Variants in LDB3 observed in about 807,000 individuals in gnomAD.
The protein encoded by LDB3 is LIM domain-binding protein 3.
Under a neutral mutation model 69.0 loss-of-function variants are expected in LDB3, and 49 were observed. The observed-to-expected ratio is 0.71, with a 90% CI of 0.56 to 0.90. The LOEUF is 0.90. LDB3 is among the 40% of genes least tolerant of loss of function. LDB3 has a pLI of 0.00. For missense variants in LDB3, 928 were observed against 974.1 expected (o/e 0.95, Z 0.63); for synonymous variants, 387 against 396.2 (o/e 0.98, Z 0.28).
rs762114914 is a variant in LDB3, at chr10:86,691,970, A to AGCCAGAACAT, written c.771_772insCATGCCAGAA (p.Asp258HisfsTer5). On this transcript the variant is annotated frameshift_variant, in exon 6 of 14. Transcript: ENST00000361373. LOFTEE classifies it high-confidence loss of function. ...CAGGCTGTGATTAAGAGCCAGAACA[A>AGCCAGAACAT]GCCAGAAGATGAGGCTGACGAGTGG... The AGCCAGAACAT allele has an allele frequency of 6.2e-7, 1 of 1,614,200 alleles. No individual in the cohort carries two copies. Among genetic ancestry groups the AGCCAGAACAT allele is most frequent in the South Asian group, 1.1e-5 (1 of 91,088 alleles).
chr10:86,712,922 G>T (rs1195220415), intron 9 of LDB3, among the ~76,000 whole-genome samples: 1 of 151,942 alleles, frequency 6.6e-6, no homozygotes, highest in African/African-American at 2.4e-5. Context: ...TTAGCCGGGC[G>T]TGGTGGCGGG....
chr10:86,690,148 C>A (rs996008279), intron 5 of LDB3, among the ~76,000 whole-genome samples: 2 of 152,322 alleles, frequency 1.3e-5, no homozygotes, highest in East Asian at 3.9e-4. Context: ...TCCACCTGCT[C>A]TCTGGATTGC....
chr10:86,710,229 G>C, intron 9 of LDB3, 179 bp downstream of exon 9: 1 of 985,394 alleles, frequency 1.0e-6, no homozygotes, highest in Non-Finnish European at 1.2e-6. Context: ...GCCTGCATCT[G>C]GTCTGGGGGA....
intron 8 of LDB3, 94 bp from the exon 9 acceptor site, chr10:86,709,811 G>A: frequency 1.4e-6 from 2 of 1,389,734 alleles, no homozygotes; most frequent in Non-Finnish European, 2.0e-6. Context: ...TGTCCTCACA[G>A]AGGCTTCTGA....
At chr10:86,694,513 C>G (rs1845917514) in intron 7 of LDB3, among the ~76,000 whole-genome samples, 1 of 152,222 alleles carries the variant, frequency 6.6e-6, no homozygotes, top group Non-Finnish European at 1.5e-5. Flanking sequence ...ATCAGCACCT[C>G]TCTCTGGGGT....
At chr10:86,703,053 G>A (rs906373270) in intron 7 of LDB3, among the ~76,000 whole-genome samples, 2 of 152,230 alleles carry the variant, frequency 1.3e-5, no homozygotes, top group Non-Finnish European at 2.9e-5. Context: ...GCGGAGAGCA[G>A]CAGGTAAGCT....
intron 8 of LDB3, among the ~76,000 whole-genome samples, chr10:86,708,916 G>C (rs1228647237): frequency 6.6e-6 from 1 of 152,150 alleles, no homozygotes; most frequent in African/African-American, 2.4e-5. Flanking sequence ...GGATCGGCAG[G>C]CCCCAGGTCC....
chr10:86,699,614 A>C lies in LDB3; in HGVS notation c.897-6917A>C. The C allele has an allele frequency of 9.6e-6, 13 of 1,356,238 alleles. No homozygotes were observed. Among genetic ancestry groups the C allele is most frequent in the East Asian group, 6.1e-5 (2 of 33,010 alleles). The allele number at this position is 1,356,238 out of a possible 1,614,324, so 84.0% of individuals were successfully genotyped here. On this transcript the variant is annotated intron_variant, in intron 7 of 13. Transcript: ENST00000361373. The surrounding 1 kb of genome is among the most constrained non-coding windows in gnomAD (Gnocchi z 4.9). ...CCAGGGCAACCCTCGCCACCCCCCA[A>C]ATAGCCCGTAGCCCAATCCCCTGCC...
Position 86,668,689 on chromosome 10 carries a change from A to C in LDB3, c.-3A>C. ...TGCAGAGGCGGCCGCTGACAGCACC[A>C]GCATGTCTTACAGTGTGACCCTGAC... On this transcript the variant is annotated 5_prime_UTR_variant, in exon 2 of 14. Coordinates refer to ENST00000361373, the MANE Select transcript of LDB3 (RefSeq NM_007078.3). The C allele has an allele frequency of 6.2e-7, 1 of 1,612,748 alleles. No homozygotes were observed. The highest frequency in any genetic ancestry group is 8.5e-7 in the Non-Finnish European group (1 of 1,179,474).
intron 5 of LDB3, among the ~76,000 whole-genome samples, chr10:86,691,123 C>G (rs1239484469): frequency 6.6e-6 from 1 of 152,188 alleles, no homozygotes; most frequent in Non-Finnish European, 1.5e-5. Flanking sequence ...CCGAGGGGCT[C>G]TAGGGTCCCT....
chr10:86,677,608 G>A (rs1844870268), intron 2 of LDB3, among the ~76,000 whole-genome samples: 1 of 152,214 alleles, frequency 6.6e-6, no homozygotes, highest in Non-Finnish European at 1.5e-5. Flanking sequence ...TTCCCGGGAT[G>A]GAGTTGCAGT....
chr10:86,672,321 G>A (rs1259899271), intron 2 of LDB3, among the ~76,000 whole-genome samples: 1 of 152,148 alleles, frequency 6.6e-6, no homozygotes, highest in Non-Finnish European at 1.5e-5. Context: ...CCGCCTGCAG[G>A]CTCACCTGGA....
At chr10:86,693,751 C>T (rs1301119860) in intron 7 of LDB3, among the ~76,000 whole-genome samples, 1 of 152,224 alleles carries the variant, frequency 6.6e-6, no homozygotes, top group East Asian at 1.9e-4. Flanking sequence ...GCTTTAAGTG[C>T]CAGAGCTCTC....
At chr10:86,674,477 G>A (rs1047131338) in intron 2 of LDB3, among the ~76,000 whole-genome samples, 1 of 152,148 alleles carries the variant, frequency 6.6e-6, no homozygotes, top group Non-Finnish European at 1.5e-5. Flanking sequence ...AAGGGCTCCT[G>A]GGGGCAGGGA....
intron 8 of LDB3, among the ~76,000 whole-genome samples, chr10:86,709,525 T>C (rs1472990079): frequency 6.6e-6 from 1 of 152,168 alleles, no homozygotes; most frequent in East Asian, 1.9e-4. Context: ...GGCCAGGTGG[T>C]CAGGGGCTGA....
chr10:86,717,443 C>G (rs1294007519), intron 10 of LDB3, among the ~76,000 whole-genome samples: 4 of 152,222 alleles, frequency 2.6e-5, no homozygotes, highest in Non-Finnish European at 4.4e-5. Context: ...TAACCTGGAA[C>G]TAGACAATAC....
At chr10:86,732,626 C>T (rs750851870) in intron 13 of LDB3, 48 of 489,876 alleles carry the variant, frequency 9.8e-5, no homozygotes, top group Middle Eastern at 5.5e-4. Context: ...CTCAACCTCC[C>T]GAGTAGCTGG....
At chr10:86,684,095 T>G (rs1161629412) in intron 5 of LDB3, among the ~76,000 whole-genome samples, 1 of 152,220 alleles carries the variant, frequency 6.6e-6, no homozygotes, top group Non-Finnish European at 1.5e-5. Flanking sequence ...CGTATCCTCT[T>G]GGAAGGAGGA....
At chr10:86,711,370 C>T (rs1429230829) in intron 9 of LDB3, among the ~76,000 whole-genome samples, 2 of 152,062 alleles carry the variant, frequency 1.3e-5, no homozygotes, top group Non-Finnish European at 2.9e-5. Flanking sequence ...GAGCCGCGGG[C>T]CCCCGCGCCG....
Sources: allele counts gnomAD v4.1 joint callset (sites outside exome capture counted in the v4.1 genomes callset), GRCh38; gene constraint gnomAD v4.1.1; non-coding constraint Gnocchi (gnomAD v3.1); transcripts MANE v1.5; gene names NCBI Gene and HGNC (gene_info 2026-07-23, HGNC 2026-07-21).